The following MSH4 variants were observed in gnomAD, a reference collection of about 807,000 sequenced individuals.
MSH4 encodes the protein mutS protein homolog 4.
A neutral mutation model predicts 113.7 loss-of-function variants in MSH4; 106 were observed. The ratio of observed to expected loss-of-function variants is 0.93; its 90% CI spans 0.80 to 1.10. The LOEUF is 1.10. MSH4 is among the 50% of genes least tolerant of loss of function. The pLI, the probability that MSH4 is intolerant of heterozygous loss-of-function variation, is 0.00. For missense variants in MSH4, 1,061 were observed against 1,093.7 expected (o/e 0.97, Z 0.42); for synonymous variants, 368 against 380.2 (o/e 0.97, Z 0.37).
chr1:75,885,446 T>C (rs1294407550), intron 15 of MSH4, among the ~76,000 whole-genome samples: 1 of 41,130 alleles, frequency 2.4e-5, no homozygotes, highest in Non-Finnish European at 4.5e-5. Flanking sequence ...TGTATATACA[T>C]ATATATATAT....
Position 75,822,057 on chromosome 1 carries a change from G to A in MSH4, c.990-352G>A, listed in dbSNP as rs535309493. ...AGCACTTTGGGAGGCCAAGGCAGGC[G>A]GATCACAAGGTCAGGAGATGGAGAC... On this transcript the variant is annotated intron_variant, in intron 6 of 19. Transcript: ENST00000263187. Among the ~76,000 whole-genome samples the A allele has an allele frequency of 2.0e-5, 3 of 152,206 alleles. No homozygotes were observed. The South Asian group carries it at 6.2e-4, about 32-fold the overall frequency.
intron 7 of MSH4, among the ~76,000 whole-genome samples, chr1:75,825,235 G>A (rs1650521396): frequency 6.6e-6 from 1 of 152,038 alleles, no homozygotes; most frequent in East Asian, 1.9e-4. Flanking sequence ...GTTGTGAATG[G>A]GAGTTCACTC....
chr1:75,910,914 CTATT>C (rs1652774380), intron 19 of MSH4, among the ~76,000 whole-genome samples: 1 of 152,070 alleles, frequency 6.6e-6, no homozygotes, highest in African/African-American at 2.4e-5. Context: ...CTCTCTCAAT[CTATT>C]TATATACACT....
chr1:75,848,114 G>C (rs1651113406), intron 7 of MSH4, 95 bp from the exon 8 acceptor site: 1 of 766,934 alleles, frequency 1.3e-6, no homozygotes, highest in Non-Finnish European at 2.1e-6. Context: ...AGGTAGAACT[G>C]TTCTATTTTA....
At chr1:75,866,693 A>C (rs1182298593) in intron 8 of MSH4, among the ~76,000 whole-genome samples, 1 of 152,052 alleles carries the variant, frequency 6.6e-6, no homozygotes, top group East Asian at 1.9e-4. Context: ...TCAAAAAGAA[A>C]CATCTGGCTA....
chr1:75,897,862 T>C (rs778029594), intron 17 of MSH4, 45 bp from the exon 18 acceptor site: 1 of 1,215,448 alleles, frequency 8.2e-7, no homozygotes, highest in East Asian at 2.9e-5. Context: ...AATTTTCTAG[T>C]TAATTTTTAA....
At chr1:75,816,073 CA>C (rs1313084775) in intron 5 of MSH4, among the ~76,000 whole-genome samples, 1 of 152,056 alleles carries the variant, frequency 6.6e-6, no homozygotes, top group African/African-American at 2.4e-5. Flanking sequence ...AATGGTACAT[CA>C]AAAATTGATG....
intron 6 of MSH4, 76 bp from the exon 7 acceptor site, chr1:75,822,333 A>T: frequency 3.5e-6 from 3 of 849,470 alleles, no homozygotes; most frequent in Non-Finnish European, 1.8e-6. Context: ...TTATAGGATT[A>T]TTTAATTACA....
chr1:75,885,964 ATAGCATG>A (rs1557524530), intron 15 of MSH4, among the ~76,000 whole-genome samples: 3 of 106,176 alleles, frequency 2.8e-5, no homozygotes, highest in African/African-American at 1.1e-4. Context: ...GATGTATTAT[ATAGCATG>A]TATAGTATAT....
chr1:75,806,944 C>T (rs1193339954), intron 2 of MSH4, 37 bp from the exon 3 acceptor site: 3 of 1,490,114 alleles, frequency 2.0e-6, no homozygotes, highest in Middle Eastern at 1.8e-4. Context: ...TGATTATTAT[C>T]AATGTTTATA....
At chr1:75,828,546 G>C (rs892056900) in intron 7 of MSH4, among the ~76,000 whole-genome samples, 1 of 152,144 alleles carries the variant, frequency 6.6e-6, no homozygotes, top group African/African-American at 2.4e-5. Context: ...CTAAGTGAAT[G>C]AACGCAGAAA....
rs1411567311 is a variant in MSH4 at position 75,832,812 on chromosome 1, C to A, written c.1162+10231C>A. Among the ~76,000 whole-genome samples, 9 of 152,086 alleles carry A rather than the reference C, an allele frequency of 5.9e-5. 1 individual carries two copies. The highest frequency in any genetic ancestry group is 1.9e-4 in the East Asian group (1 of 5,160). On this transcript the variant is annotated intron_variant, in intron 7 of 19. Transcript: ENST00000263187. ...AAAATAATAATAGCTATTTATGACA[C>A]ACCCACAGCCAATATCATACTGAAT...
At chr1:75,895,184 G>A (rs1167551830) in intron 17 of MSH4, among the ~76,000 whole-genome samples, 1 of 152,110 alleles carries the variant, frequency 6.6e-6, no homozygotes, top group African/African-American at 2.4e-5. Flanking sequence ...AACAGGCAAA[G>A]AAGGGAGGTA....
chr1:75,797,084 C>T lies in MSH4; in HGVS notation c.99C>T (p.Phe33=). ...CACCTCAGGGTCCCCGCTACAATTT[C>T]GGACTCCAGGAGACTCCACAGAGCC... The part of the protein sequence containing the change: ...TRSPQGPRYN[F]GLQETPQSRP... Residue 33 remains phenylalanine (F), a synonymous_variant, in exon 1 of 20, where the codon TTC becomes TTT. Transcript: ENST00000263187. 1 of 1,614,046 alleles carries T rather than the reference C, an allele frequency of 6.2e-7. No individual in the cohort carries two copies. The highest frequency in any genetic ancestry group is 8.5e-7 in the Non-Finnish European group (1 of 1,179,930).
chr1:75,888,774 A>G lies in MSH4; in HGVS notation c.2108-477A>G, dbSNP rs76061653. Among the ~76,000 whole-genome samples the G allele has an allele frequency of 6.5e-3, 989 of 152,138 alleles. 4 individuals carry two copies. Among genetic ancestry groups the G allele is most frequent in the African/African-American group, 0.023 (946 of 41,528 alleles). ...TTCATATTTTAATATTTTGAATGTT[A>G]TCATTCAAGTAAGTTATTTAAAATT... On this transcript the variant is annotated intron_variant, in intron 15 of 19. Coordinates refer to ENST00000263187, the MANE Select transcript of MSH4 (RefSeq NM_002440.4).
rs1652467164 is a variant in MSH4, at chr1:75,899,684, C to T, written c.2597C>T (p.Thr866Ile). 1 of 1,502,636 alleles carries T rather than the reference C, an allele frequency of 6.7e-7. No homozygotes were observed. The highest frequency in any genetic ancestry group is 1.5e-5 in the African/African-American group (1 of 68,754). 93.1% of individuals were successfully genotyped at this position (1,502,636 alleles called of 1,614,324 possible). A position where few individuals can be genotyped will look rare whatever the true frequency, so the allele number is the denominator to read the frequency against. The change falls in exon 19 of 20, where the codon ACT becomes ATT. Residue 866 changes from threonine (T) to isoleucine (I), a missense_variant. Thr to Ile is a moderately conservative substitution (Grantham distance 89). Transcript: ENST00000263187. ...GTCTTGGATGCCAAGGAAATCACAA[C>T]TCAAATTACGAGACAAATTTTGGTA... is the stretch of plus-strand genomic sequence containing the variant. ...SIVLDAKEIT[T>I]QITRQILQNQ...
chr1:75,909,737 C>G (rs1057201805), intron 19 of MSH4, among the ~76,000 whole-genome samples: 2 of 148,342 alleles, frequency 1.3e-5, no homozygotes, highest in East Asian at 4.1e-4. Flanking sequence ...TACGATAACT[C>G]TTTTGAAACA....
At chr1:75,890,560 T>C (rs1557527032) in intron 16 of MSH4, 136 bp from the exon 17 acceptor site, 1 of 470,606 alleles carries the variant, frequency 2.1e-6, no homozygotes, top group Non-Finnish European at 3.7e-6. Flanking sequence ...AAAACTATTA[T>C]TTTCTGCTCA....
intron 7 of MSH4, among the ~76,000 whole-genome samples, chr1:75,823,172 A>G (rs1021737938): frequency 4.6e-5 from 7 of 152,140 alleles, no homozygotes; most frequent in Non-Finnish European, 1.0e-4. Flanking sequence ...TTCTATTGTC[A>G]TATGGTTTTC....
Sources: gnomAD v4.1 joint callset for allele counts (sites outside exome capture counted in the v4.1 genomes callset) on GRCh38, gnomAD v4.1.1 for gene constraint, MANE v1.5 for transcripts, NCBI Gene and HGNC (gene_info 2026-07-23, HGNC 2026-07-21) for gene names.